Variants in CSMD1 observed in about 807,000 individuals in gnomAD.
The protein encoded by CSMD1 is CUB and Sushi multiple domains 1.
A neutral mutation model predicts 417.5 loss-of-function variants in CSMD1; 213 were observed. The observed-to-expected ratio is 0.51, with a 90% confidence interval of 0.46 to 0.57. The LOEUF is 0.57. CSMD1 is among the 20% of genes least tolerant of loss of function. CSMD1 has a pLI of 0.00. For synonymous variants in CSMD1, 2,862 were observed against 1,736.8 expected, an observed-to-expected ratio of 1.65 and a Z score of -16.11; for missense variants, 6,923 against 4,529.7, an observed-to-expected ratio of 1.53 and a Z score of -15.17.
At chr8:4,410,454 G>C (rs977659308) in intron 3 of CSMD1, among the ~76,000 whole-genome samples, 1 of 152,122 alleles carries the variant, frequency 6.6e-6, no homozygotes, top group African/African-American at 2.4e-5. Flanking sequence ...ATAGTATATA[G>C]CCAATATTTG....
At chr8:3,612,743 C>T (rs917246420) in intron 8 of CSMD1, among the ~76,000 whole-genome samples, 2 of 152,056 alleles carry the variant, frequency 1.3e-5, no homozygotes, top group Admixed American at 6.6e-5. Context: ...AATGAAAACA[C>T]AGCATATCAA....
At chr8:4,619,688 A>G (rs959453622) in intron 2 of CSMD1, among the ~76,000 whole-genome samples, 21 of 152,184 alleles carry the variant, frequency 1.4e-4, no homozygotes, top group African/African-American at 5.1e-4. Context: ...TCACTAAAAA[A>G]GACTTTTGAA....
intron 50 of CSMD1, among the ~76,000 whole-genome samples, chr8:3,040,438 C>G (rs1310591709): frequency 1.4e-5 from 2 of 140,080 alleles, no homozygotes; most frequent in East Asian, 4.1e-4. Context: ...TATGTATATA[C>G]AAAATGATTA....
chr8:4,700,359 A>C (rs1433653059), intron 1 of CSMD1, among the ~76,000 whole-genome samples: 1 of 151,964 alleles, frequency 6.6e-6, no homozygotes, highest in Non-Finnish European at 1.5e-5. Flanking sequence ...TATTATAAAA[A>C]TATTATTTGT....
chr8:4,248,499 T>C (rs1192187636), intron 3 of CSMD1, among the ~76,000 whole-genome samples: 1 of 152,200 alleles, frequency 6.6e-6, no homozygotes, highest in Non-Finnish European at 1.5e-5. Context: ...GAACTATTCA[T>C]TAATATGTCA....
intron 1 of CSMD1, among the ~76,000 whole-genome samples, chr8:4,729,662 G>C (rs751624499): frequency 3.3e-5 from 5 of 152,162 alleles, no homozygotes; most frequent in Admixed American, 1.3e-4. Flanking sequence ...GTATCTATTT[G>C]GCAACAGAAG....
chr8:4,979,973 G>T (rs961194404), intron 1 of CSMD1, among the ~76,000 whole-genome samples: 32 of 152,314 alleles, frequency 2.1e-4, no homozygotes, highest in African/African-American at 7.0e-4. Flanking sequence ...GGGAGGCGCA[G>T]CTTGCAGTGA....
chr8:4,530,415 T>G (rs2130452827), intron 2 of CSMD1, among the ~76,000 whole-genome samples: 1 of 148,346 alleles, frequency 6.7e-6, no homozygotes, highest in African/African-American at 2.5e-5. Flanking sequence ...CCATGGTGGT[T>G]TGCTGCATCT....
At chr8:3,743,661 G>A (rs1051026025) in intron 6 of CSMD1, among the ~76,000 whole-genome samples, 1 of 152,136 alleles carries the variant, frequency 6.6e-6, no homozygotes, top group Non-Finnish European at 1.5e-5. Flanking sequence ...GTGATTACAA[G>A]ATGAAAAGCT....
chr8:4,351,387 GT>G (rs1445954631), intron 3 of CSMD1, among the ~76,000 whole-genome samples: 6 of 152,084 alleles, frequency 3.9e-5, no homozygotes, highest in Non-Finnish European at 8.8e-5. Context: ...CTCTCTTCTC[GT>G]CTCATAGCCC....
intron 5 of CSMD1, among the ~76,000 whole-genome samples, chr8:3,879,191 T>G (rs1273861647): frequency 6.6e-6 from 1 of 152,082 alleles, no homozygotes; most frequent in Non-Finnish European, 1.5e-5. Flanking sequence ...ACAGCACACT[T>G]CTCTTTGCCT....
chr8:3,137,690 A>G (rs915402730), intron 41 of CSMD1, among the ~76,000 whole-genome samples: 2 of 152,252 alleles, frequency 1.3e-5, no homozygotes, highest in Admixed American at 6.5e-5. Context: ...CACAAAGCAA[A>G]TGCCGTGTAA....
At chr8:4,728,635 G>C (rs373156945) in intron 1 of CSMD1, among the ~76,000 whole-genome samples, 6 of 152,054 alleles carry the variant, frequency 3.9e-5, no homozygotes, top group Non-Finnish European at 7.4e-5. Flanking sequence ...AAAGACCCAT[G>C]TATGTTAGAG....
intron 46 of CSMD1, 72 bp downstream of exon 46, chr8:3,106,456 C>A: frequency 1.1e-6 from 1 of 871,908 alleles, no homozygotes; most frequent in Non-Finnish European, 1.8e-6. Context: ...CAAAGAAATG[C>A]AGACCAATAC....
In CSMD1 at chr8:4,503,879, G is replaced by C. The variant is rs530019174; in HGVS notation, c.303-83814C>G. ...TTGATGGAATCACTGGTAAACAAGAGATTTTCCTCTCCTACCTGATTCTGC... is the reference window on the plus strand; with the variant it reads ...TTGATGGAATCACTGGTAAACAAGACATTTTCCTCTCCTACCTGATTCTGC... On this transcript the variant is annotated intron_variant, in intron 2 of 69. Coordinates refer to ENST00000635120, the MANE Select transcript of CSMD1 (RefSeq NM_033225.6). Among the ~76,000 whole-genome samples, 34 of 150,546 alleles carry C rather than the reference G, an allele frequency of 2.3e-4. 1 individual carries two copies. In the South Asian group the frequency reaches 4.6e-3, roughly 20 times the overall value.
intron 5 of CSMD1, among the ~76,000 whole-genome samples, chr8:3,766,246 G>A: frequency 6.6e-6 from 1 of 152,174 alleles, no homozygotes; most frequent in East Asian, 1.9e-4. Flanking sequence ...GAGCTGTCAT[G>A]CCCCACCTGG....
At chr8:2,996,903 A>G (rs576368268) in intron 54 of CSMD1, among the ~76,000 whole-genome samples, 1 of 152,320 alleles carries the variant, frequency 6.6e-6, no homozygotes, top group South Asian at 2.1e-4. Flanking sequence ...CTCTGTTTTT[A>G]TTTTTGGAGG....
chr8:3,091,927 A>G (rs1020581994), intron 47 of CSMD1, among the ~76,000 whole-genome samples: 1 of 152,208 alleles, frequency 6.6e-6, no homozygotes, highest in Non-Finnish European at 1.5e-5. Context: ...AAACAGCAGT[A>G]CCCGAAAAAA....
At chr8:4,812,789 A>C (rs947915535) in intron 1 of CSMD1, among the ~76,000 whole-genome samples, 1 of 152,216 alleles carries the variant, frequency 6.6e-6, no homozygotes, top group Non-Finnish European at 1.5e-5. Context: ...ATTTTTGTAG[A>C]TGCTCTTATG....
Sources: gnomAD v4.1 joint callset for allele counts (sites outside exome capture counted in the v4.1 genomes callset) on GRCh38, gnomAD v4.1.1 for gene constraint, MANE v1.5 for transcripts, NCBI Gene and HGNC (gene_info 2026-07-23, HGNC 2026-07-21) for gene names.